The following SH3RF3 variants were observed in gnomAD, a reference collection of about 807,000 sequenced individuals.
SH3RF3 encodes the protein SH3 domain containing ring finger 3.
In SH3RF3, 29 loss-of-function variants were observed where a neutral mutation model predicts 66.3. The observed-to-expected ratio is 0.44, with a 90% CI of 0.33 to 0.60. The LOEUF is 0.60. Ranked by LOEUF, SH3RF3 falls within the 20% of genes least tolerant of loss-of-function variation. The pLI is 0.04. For missense variants in SH3RF3, 1,194 were observed against 1,190.9 expected, an observed-to-expected ratio of 1.00 and a Z score of -0.04; for synonymous variants, 583 against 532.0, an observed-to-expected ratio of 1.10 and a Z score of -1.32.
At position 109,455,017 on chromosome 2, in the gene SH3RF3, T is replaced by C. The variant is rs950767086; in HGVS notation, c.2148+5528T>C. Among the ~76,000 whole-genome samples the C allele has an allele frequency of 2.6e-5, 4 of 152,330 alleles. No individual in the cohort carries two copies. The East Asian group carries it at 7.7e-4, about 29-fold the overall frequency. ...AACTTGAAAGAGCCTCTAAAGATGTTTTATATTAAACTCTCCATTTTCCAT... is the reference window on the plus strand; with the variant it reads ...AACTTGAAAGAGCCTCTAAAGATGTCTTATATTAAACTCTCCATTTTCCAT... On this transcript the variant is annotated intron_variant, in intron 8 of 9. Coordinates refer to ENST00000309415, the MANE Select transcript of SH3RF3 (RefSeq NM_001099289.3).
chr2:109,239,468 A>C (rs1172770145), intron 1 of SH3RF3, among the ~76,000 whole-genome samples: 1 of 152,202 alleles, frequency 6.6e-6, no homozygotes, highest in Non-Finnish European at 1.5e-5. Flanking sequence ...ATCAAGTAAA[A>C]GCTTTTTAGA....
intron 1 of SH3RF3, among the ~76,000 whole-genome samples, chr2:109,277,169 G>A (rs944836425): frequency 1.3e-5 from 2 of 152,144 alleles, no homozygotes; most frequent in Non-Finnish European, 2.9e-5. Flanking sequence ...TCTTCATTAC[G>A]TAGTTAGAAA....
chr2:109,133,825 T>C (rs1676754101), intron 1 of SH3RF3, among the ~76,000 whole-genome samples: 1 of 151,992 alleles, frequency 6.6e-6, no homozygotes, highest in African/African-American at 2.4e-5. Context: ...TTAGCATAGT[T>C]GGGAATAAGG....
At chr2:109,352,832 C>T (rs973412819) in intron 2 of SH3RF3, among the ~76,000 whole-genome samples, 11 of 152,256 alleles carry the variant, frequency 7.2e-5, no homozygotes, top group Non-Finnish European at 1.5e-4. Context: ...CACTACAGAC[C>T]ACCCTCGCCC....
chr2:109,347,406 A>G (rs1477859180), intron 1 of SH3RF3, among the ~76,000 whole-genome samples: 1 of 152,058 alleles, frequency 6.6e-6, no homozygotes, highest in African/African-American at 2.4e-5. Flanking sequence ...TTTGCACAGA[A>G]TGAGGTTGTC....
Position 109,129,415 on chromosome 2 carries a change from C to T in SH3RF3, c.-126C>T. 1 of 1,454,452 alleles carries T rather than the reference C, an allele frequency of 6.9e-7. No homozygotes were observed. The highest frequency in any genetic ancestry group is 1.3e-5 in the South Asian group (1 of 79,784). 90.1% of individuals were successfully genotyped at this position (1,454,452 alleles called of 1,614,324 possible). ...CGCCACAGCCCTAGCATCGGGCCACCAGCCGGGGTGAAGAAAGTCACGGCG... is the reference window on the plus strand; with the variant it reads ...CGCCACAGCCCTAGCATCGGGCCACTAGCCGGGGTGAAGAAAGTCACGGCG... On this transcript the variant is annotated 5_prime_UTR_variant, in exon 1 of 10. Transcript: ENST00000309415.
At chr2:109,183,376 A>AC (rs1678112717) in intron 1 of SH3RF3, among the ~76,000 whole-genome samples, 1 of 152,102 alleles carries the variant, frequency 6.6e-6, no homozygotes, top group African/African-American at 2.4e-5. Flanking sequence ...AGAGATGGTG[A>AC]ACTCTCCCTT....
At chr2:109,353,633 C>T (rs1290490284) in intron 2 of SH3RF3, among the ~76,000 whole-genome samples, 1 of 152,172 alleles carries the variant, frequency 6.6e-6, no homozygotes, top group African/African-American at 2.4e-5. Flanking sequence ...TGTCTCCTCA[C>T]CCAGGCTTCT....
intron 1 of SH3RF3, among the ~76,000 whole-genome samples, chr2:109,132,422 A>T (rs1358696592): frequency 6.6e-6 from 1 of 152,110 alleles, no homozygotes; most frequent in Non-Finnish European, 1.5e-5. Flanking sequence ...GTTGTTTTTC[A>T]TCGGTTTTGG....
chr2:109,266,079 G>A (rs1053635180), intron 1 of SH3RF3, among the ~76,000 whole-genome samples: 1 of 151,016 alleles, frequency 6.6e-6, no homozygotes, highest in Non-Finnish European at 1.5e-5. Flanking sequence ...GTTGTGTATG[G>A]TATGTGTGTT....
chr2:109,299,643 C>G (rs758235026), intron 1 of SH3RF3, among the ~76,000 whole-genome samples: 1 of 152,176 alleles, frequency 6.6e-6, no homozygotes, highest in Non-Finnish European at 1.5e-5. Flanking sequence ...TTGTAAGGCC[C>G]TTCCTTTGCC....
At chr2:109,322,363 A>G (rs1012438897) in intron 1 of SH3RF3, among the ~76,000 whole-genome samples, 1 of 152,212 alleles carries the variant, frequency 6.6e-6, no homozygotes, top group African/African-American at 2.4e-5. Flanking sequence ...ATGTGCCGAA[A>G]TGTTCCCACA....
chr2:109,314,226 G>GTA, intron 1 of SH3RF3, among the ~76,000 whole-genome samples: 1 of 152,280 alleles, frequency 6.6e-6, no homozygotes, highest in South Asian at 2.1e-4. Context: ...TGTGGGTCAT[G>GTA]TATATTTAAT....
chr2:109,406,084 C>T lies in SH3RF3; in HGVS notation c.1299+7141C>T, dbSNP rs562861491. 5.0e-3 allele frequency among the ~76,000 whole-genome samples: 759 copies of T among 152,310 alleles called. 11 individuals carry two copies. Among genetic ancestry groups the T allele is most frequent in the African/African-American group, 0.017 (719 of 41,568 alleles). On this transcript the variant is annotated intron_variant, in intron 4 of 9. Transcript: ENST00000309415. Reference sequence around the variant, plus strand: ...CCAGGGCGTGCAGCCGGCTGAGCCTCAGATGGCCCGTCCTGCTCATGTTTG... The same window carrying T: ...CCAGGGCGTGCAGCCGGCTGAGCCTTAGATGGCCCGTCCTGCTCATGTTTG...
intron 4 of SH3RF3, among the ~76,000 whole-genome samples, chr2:109,403,060 G>A (rs540728534): frequency 1.3e-5 from 2 of 152,322 alleles, no homozygotes; most frequent in African/African-American, 4.8e-5. Flanking sequence ...GGCTCTCGCT[G>A]TAATGGACTG....
At chr2:109,444,130 AAC>A (rs916660042) in intron 7 of SH3RF3, among the ~76,000 whole-genome samples, 34 of 152,332 alleles carry the variant, frequency 2.2e-4, no homozygotes, top group African/African-American at 7.7e-4. Flanking sequence ...TTGAAAACTA[AAC>A]AGTTTACTTC....
chr2:109,404,763 C>A (rs866784243), intron 4 of SH3RF3, among the ~76,000 whole-genome samples: 3 of 152,138 alleles, frequency 2.0e-5, no homozygotes, highest in Non-Finnish European at 2.9e-5. Context: ...ATGTGCTCGA[C>A]TCTCTGCAGT....
chr2:109,364,627 T>G (rs1306215809), intron 2 of SH3RF3, among the ~76,000 whole-genome samples: 1 of 152,216 alleles, frequency 6.6e-6, no homozygotes, highest in Admixed American at 6.5e-5. Context: ...GCCACAAATG[T>G]TCTATAGTCC....
chr2:109,482,330 T>C (rs998027242), intron 8 of SH3RF3, among the ~76,000 whole-genome samples: 5 of 152,194 alleles, frequency 3.3e-5, no homozygotes, highest in African/African-American at 1.2e-4. Context: ...GTTTTACACA[T>C]GAGGGAAGTG....
Sources: gnomAD v4.1 joint callset for allele counts (sites outside exome capture counted in the v4.1 genomes callset) on GRCh38, gnomAD v4.1.1 for gene constraint, MANE v1.5 for transcripts, NCBI Gene and HGNC (gene_info 2026-07-23, HGNC 2026-07-21) for gene names.